PCDHGB5: variants seen among roughly 807,000 people sequenced by gnomAD.
PCDHGB5 encodes the protein protocadherin gamma-B5.
PCDHGB5 carries 48 observed loss-of-function variants against 62.9 expected under a neutral mutation model. The ratio of observed to expected loss-of-function variants is 0.76; its 90% CI spans 0.61 to 0.97. The LOEUF (loss-of-function observed/expected upper bound fraction) is 0.97. Among genes scored for constraint, PCDHGB5 ranks in the 50% least tolerant of loss-of-function variants. PCDHGB5 has a pLI of 0.00. For synonymous variants in PCDHGB5, 474 were observed against 511.2 expected (o/e 0.93, Z 0.98); for missense variants, 1,118 against 1,198.6 (o/e 0.93, Z 0.99).
Position 141,399,856 on chromosome 5 carries a change from G to T in PCDHGB5, c.1729G>T (p.Ala577Ser). The T allele has an allele frequency of 6.2e-7, 1 of 1,612,894 alleles. No homozygotes were observed. The highest frequency in any genetic ancestry group is 1.1e-5 in the South Asian group (1 of 91,064). The change falls in exon 1 of 4, where the codon GCT becomes TCT. Residue 577 changes from alanine to serine, a missense_variant. This residue lies in a region of PCDHGB5 where 1,034 missense variants were observed against 1,029.1 expected (regional missense o/e 1.00). Transcript: ENST00000617380. ...TGCGCTCTTCGATATGGTGCCGCGC[G>T]CTGCAGAGCCCGGCTACCTGGTGAC... is the stretch of plus-strand genomic sequence containing the variant. ...GSALFDMVPR[A>S]AEPGYLVTKV...
intron 2 of PCDHGB5, among the ~76,000 whole-genome samples, chr5:141,495,507 C>T (rs1380258502): frequency 6.6e-6 from 1 of 152,188 alleles, no homozygotes; most frequent in African/African-American, 2.4e-5. Context: ...TCCGTCTTTG[C>T]CACTTTCTCT....
In PCDHGB5 at chr5:141,432,184, C is replaced by G; in HGVS notation, c.2397+31660C>G. 1 of 1,614,164 alleles carries G rather than the reference C, an allele frequency of 6.2e-7. No individual in the cohort carries two copies. The highest frequency in any genetic ancestry group is 2.2e-5 in the East Asian group (1 of 44,872). On this transcript the variant is annotated intron_variant, in intron 1 of 3. Coordinates refer to ENST00000617380, the MANE Select transcript of PCDHGB5 (RefSeq NM_018925.3). This position sits in a 1 kb window ranked among gnomAD's most constrained non-coding sequence, Gnocchi z 6.0. Reference sequence around the variant, plus strand: ...GAGGAGTTTCCCTCGTCTCTGTGACCGCCCACGACCCCGACTGTGAAGAGA... The same window carrying G: ...GAGGAGTTTCCCTCGTCTCTGTGACGGCCCACGACCCCGACTGTGAAGAGA...
At chr5:141,419,916 C>T in intron 1 of PCDHGB5, 1 of 1,614,080 alleles carries the variant, frequency 6.2e-7, no homozygotes, top group Non-Finnish European at 8.5e-7. Context: ...GACTCCCAGG[C>T]TGAGATGCAG....
At chr5:141,478,050 C>T (rs2099429383) in intron 1 of PCDHGB5, 1 of 1,614,066 alleles carries the variant, frequency 6.2e-7, no homozygotes, top group Non-Finnish European at 8.5e-7. Flanking sequence ...CAGACTCTCA[C>T]GGTCTTGATC....
chr5:141,443,183 TTCTC>T (rs2098370937), intron 1 of PCDHGB5, among the ~76,000 whole-genome samples: 1 of 152,184 alleles, frequency 6.6e-6, no homozygotes, highest in Non-Finnish European at 1.5e-5. Context: ...CACTGCATCA[TTCTC>T]TATAGTACAA....
rs549051669 is a variant in PCDHGB5, at chr5:141,450,866, C to A, written c.2398-43941C>A. 4.7e-5 allele frequency among the ~76,000 whole-genome samples: 7 copies of A among 149,836 alleles called. No homozygotes were observed. In the East Asian group the frequency reaches 1.4e-3, roughly 29 times the overall value. On this transcript the variant is annotated intron_variant, in intron 1 of 3. Transcript: ENST00000617380. ...TTGAGATGGGGTCTTGCTCTGTCAC[C>A]CAGGCTGGTGTGCAGTGGTGCGATA...
chr5:141,415,522 C>T, intron 1 of PCDHGB5: 1 of 1,614,178 alleles, frequency 6.2e-7, no homozygotes, highest in African/African-American at 1.3e-5. Flanking sequence ...TGCGGACACG[C>T]TCATCAGCCA....
At chr5:141,501,238 G>A (rs1482962385) in intron 2 of PCDHGB5, among the ~76,000 whole-genome samples, 2 of 151,018 alleles carry the variant, frequency 1.3e-5, no homozygotes, top group African/African-American at 4.9e-5. Flanking sequence ...AGTTTTTTGA[G>A]CATGATGTAG....
chr5:141,414,078 T>C lies in PCDHGB5; in HGVS notation c.2397+13554T>C, dbSNP rs777190406. 3.1e-6 allele frequency: 5 copies of C among 1,603,326 alleles called. No individual in the cohort carries two copies. In the South Asian group the frequency reaches 4.5e-5, roughly 14 times the overall value. ...TGTTGAAGTTCCAACTAAACAAATA[T>C]ACTGGAGAAATAAAAATATCAGAAA... On this transcript the variant is annotated intron_variant, in intron 1 of 3. Transcript: ENST00000617380.
intron 1 of PCDHGB5, among the ~76,000 whole-genome samples, chr5:141,455,959 G>T (rs112864392): frequency 0.11 from 16,680 of 150,504 alleles, 1,459 homozygotes; most frequent in African/African-American, 0.24. Context: ...GTGCAGTGGC[G>T]CGATCTCAGC....
In PCDHGB5 at chr5:141,399,778, C is replaced by A. The variant is rs187080333; in HGVS notation, c.1651C>A (p.Arg551=). The change falls in exon 1 of 4, where the codon CGA becomes AGA. Residue 551 remains arginine, a synonymous_variant. Transcript: ENST00000617380. ...GAGCCTGCGCGTGTTGGTGGGCGACCGAAACGACAACGCACCGCGGGTGCT... is the reference window on the plus strand; with the variant it reads ...GAGCCTGCGCGTGTTGGTGGGCGACAGAAACGACAACGCACCGCGGGTGCT... The part of the protein sequence containing the change: ...NVSLRVLVGD[R]NDNAPRVLYP... The A allele has an allele frequency of 6.2e-7, 1 of 1,613,250 alleles. No individual in the cohort carries two copies. The highest frequency in any genetic ancestry group is 1.3e-5 in the African/African-American group (1 of 75,050).
intron 1 of PCDHGB5, chr5:141,414,233 T>C: frequency 1.2e-6 from 2 of 1,613,474 alleles, no homozygotes; most frequent in African/African-American, 2.7e-5. Context: ...GAGCTGACCA[T>C]CACGTCTCTA....
In PCDHGB5 at chr5:141,512,926, T is replaced by C. The variant is rs1438111849; in HGVS notation, c.*1753T>C. The C allele has an allele frequency of 6.6e-6, 1 of 152,216 alleles. No homozygotes were observed. The highest frequency in any genetic ancestry group is 1.5e-5 in the Non-Finnish European group (1 of 68,048). 9.4% of individuals were successfully genotyped at this position (152,216 alleles called of 1,614,324 possible). A position where few individuals can be genotyped will look rare whatever the true frequency, so the allele number is the denominator to read the frequency against. On this transcript the variant is annotated 3_prime_UTR_variant, in exon 4 of 4. Coordinates refer to ENST00000617380, the MANE Select transcript of PCDHGB5 (RefSeq NM_018925.3). ...CGCAAGTTTTATACTCTAATATTTA[T>C]ATGGCTTTTTTTCTTCGACAAAAAA...
chr5:141,491,726 C>T lies in PCDHGB5; in HGVS notation c.2398-3081C>T. On this transcript the variant is annotated intron_variant, in intron 1 of 3. Transcript: ENST00000617380. This position sits in a 1 kb window ranked among gnomAD's most constrained non-coding sequence, Gnocchi z 6.9. ...GTGAGGGGCTCGGCGCCGCCCCGGG[C>T]GACCCCTGGGGGCGGCACTGGAGAA... The T allele has an allele frequency of 6.2e-7, 1 of 1,605,884 alleles. No individual in the cohort carries two copies. Among genetic ancestry groups the T allele is most frequent in the East Asian group, 2.2e-5 (1 of 44,600 alleles).
chr5:141,399,708 A>G lies in PCDHGB5; in HGVS notation c.1581A>G (p.Thr527=), dbSNP rs769072460. Residue 527 remains threonine (T), a synonymous_variant, in exon 1 of 4, where the codon ACA becomes ACG. Transcript: ENST00000617380. ...AGCAGCTGCGCACCTTCGAACTCAC[A>G]CTACAGGCCCGCGACCAGGGCTCGC... ...DYEQLRTFEL[T]LQARDQGSPA... is the part of the protein sequence containing the mutation. 5.6e-6 allele frequency: 9 copies of G among 1,613,256 alleles called. No homozygotes were observed. In the African/African-American group the frequency reaches 8.0e-5, roughly 14 times the overall value.
At chr5:141,405,309 A>T (rs1019536231) in intron 1 of PCDHGB5, 2 of 1,614,068 alleles carry the variant, frequency 1.2e-6, no homozygotes, top group Non-Finnish European at 1.7e-6. Context: ...CAGAGCTGTG[A>T]GAAAAATGAG....
At chr5:141,497,461 A>G (rs541848982) in intron 2 of PCDHGB5, among the ~76,000 whole-genome samples, 2 of 151,526 alleles carry the variant, frequency 1.3e-5, no homozygotes, top group Admixed American at 1.3e-4. Context: ...GCTCTTGGAG[A>G]TATGGAGGAG....
intron 1 of PCDHGB5, chr5:141,426,995 C>A (rs772977735): frequency 2.2e-6 from 1 of 456,694 alleles, no homozygotes; most frequent in South Asian, 1.5e-5. Context: ...ACGATAATGC[C>A]CCAGTTTTTA....
At chr5:141,466,094 C>T (rs1462266046) in intron 1 of PCDHGB5, among the ~76,000 whole-genome samples, 1 of 152,040 alleles carries the variant, frequency 6.6e-6, no homozygotes, top group Non-Finnish European at 1.5e-5. Flanking sequence ...TGCACTCCAG[C>T]CTGGGCAACA....
Sources: allele counts gnomAD v4.1 joint callset (sites outside exome capture counted in the v4.1 genomes callset), GRCh38; gene constraint gnomAD v4.1.1; regional missense constraint gnomAD v4.1.1; non-coding constraint Gnocchi (gnomAD v3.1); transcripts MANE v1.5; gene names NCBI Gene and HGNC (gene_info 2026-07-23, HGNC 2026-07-21).